Variants in ADCY9 observed in about 807,000 individuals in gnomAD.
ADCY9 encodes adenylate cyclase 9.
In ADCY9, 50 loss-of-function variants were observed where a neutral mutation model predicts 101.5. That is an observed-to-expected ratio of 0.49 (90% CI 0.39 to 0.62). The LOEUF is 0.62. Ranked by LOEUF, ADCY9 falls within the 20% of genes least tolerant of loss-of-function variation. The pLI is 0.00. For synonymous variants in ADCY9, 905 were observed against 769.3 expected (o/e 1.18, Z -2.92); for missense variants, 1,662 against 1,800.4 (o/e 0.92, Z 1.39).
At chr16:3,979,707 G>A (rs2056124650) in intron 7 of ADCY9, among the ~76,000 whole-genome samples, 1 of 152,244 alleles carries the variant, frequency 6.6e-6, no homozygotes, top group African/African-American at 2.4e-5. Context: ...TGTCGCAGCA[G>A]AAGAGGCGGT....
At chr16:4,026,913 A>T (rs1377337107) in intron 2 of ADCY9, among the ~76,000 whole-genome samples, 2 of 152,240 alleles carry the variant, frequency 1.3e-5, no homozygotes, top group African/African-American at 4.8e-5. Context: ...CAGGTAACAA[A>T]AGGATCAGAG....
chr16:4,097,487 T>TACCCACACACAC (rs2057012621), intron 2 of ADCY9, among the ~76,000 whole-genome samples: 1 of 72,508 alleles, frequency 1.4e-5, no homozygotes, highest in African/African-American at 5.2e-5. Context: ...TATATATATA[T>TACCCACACACAC]ACACACACAC....
At chr16:3,958,624 C>G (rs754839466), downstream of ADCY9, among the ~76,000 whole-genome samples, 24 of 148,688 alleles carry the variant, frequency 1.6e-4, no homozygotes, top group Non-Finnish European at 3.1e-4. Context: ...ATCAAGGAAC[C>G]AACACAGAAG....
intron 2 of ADCY9, among the ~76,000 whole-genome samples, chr16:4,069,263 T>C (rs2056818744): frequency 1.9e-5 from 2 of 107,790 alleles, no homozygotes; most frequent in African/African-American, 7.6e-5. Flanking sequence ...CAATATGCTG[T>C]TGTTGTAAGT....
chr16:4,097,696 A>C (rs2057017412), intron 2 of ADCY9, among the ~76,000 whole-genome samples: 1 of 150,132 alleles, frequency 6.7e-6, no homozygotes, highest in Admixed American at 6.7e-5. Flanking sequence ...ACAGGTGCCC[A>C]CCACCATGCC....
At chr16:3,993,623 G>A in intron 3 of ADCY9, 113 bp from the exon 4 acceptor site, 2 of 1,366,562 alleles carry the variant, frequency 1.5e-6, no homozygotes, top group Non-Finnish European at 2.0e-6. Flanking sequence ...GGTGAGCAAG[G>A]GGAAGGCACA....
At chr16:4,027,540 C>T (rs559777254) in intron 2 of ADCY9, among the ~76,000 whole-genome samples, 3 of 152,260 alleles carry the variant, frequency 2.0e-5, no homozygotes, top group East Asian at 1.9e-4. Flanking sequence ...TCCATGACGG[C>T]AGGGAAGAGA....
chr16:4,101,350 G>GC (rs2057042169), intron 2 of ADCY9, among the ~76,000 whole-genome samples: 1 of 147,692 alleles, frequency 6.8e-6, no homozygotes, highest in African/African-American at 2.5e-5. Context: ...TGCAATCACA[G>GC]CTCACTGCAG....
intron 6 of ADCY9, among the ~76,000 whole-genome samples, chr16:3,987,430 C>G (rs1262965425): frequency 1.3e-5 from 2 of 152,214 alleles, no homozygotes; most frequent in Non-Finnish European, 2.9e-5. Flanking sequence ...CCAGACCACT[C>G]GTGTCCGACC....
intron 2 of ADCY9, among the ~76,000 whole-genome samples, chr16:4,091,879 G>T (rs571375981): frequency 1.5e-4 from 23 of 152,346 alleles, no homozygotes; most frequent in African/African-American, 4.6e-4. Flanking sequence ...TTCGGAATTA[G>T]ACCCAGGGGA....
chr16:3,979,296 A>G (rs1242854313), intron 7 of ADCY9, 21 bp from the exon 8 acceptor site: 1 of 1,612,000 alleles, frequency 6.2e-7, no homozygotes, highest in African/African-American at 1.3e-5. Flanking sequence ...CATGGGGGTT[A>G]GCAGGAGCGA....
chr16:4,090,744 T>G (rs1187637655), intron 2 of ADCY9, among the ~76,000 whole-genome samples: 1 of 151,974 alleles, frequency 6.6e-6, no homozygotes, highest in Non-Finnish European at 1.5e-5. Context: ...TACTACTTTT[T>G]TTTCAAGCTT....
intron 2 of ADCY9, among the ~76,000 whole-genome samples, chr16:4,086,498 C>T (rs916622160): frequency 2.0e-5 from 3 of 152,144 alleles, no homozygotes; most frequent in Admixed American, 1.3e-4. Flanking sequence ...CGTGAGGAGA[C>T]GTCAGTGTCC....
intron 10 of ADCY9, among the ~76,000 whole-genome samples, chr16:3,967,864 ATTTTTGTATTT>A (rs975142279): frequency 6.6e-6 from 1 of 151,384 alleles, no homozygotes; most frequent in African/African-American, 2.4e-5. Context: ...TGCCTGGCTA[ATTTTTGTATTT>A]TTAGTAGAGA....
intron 2 of ADCY9, among the ~76,000 whole-genome samples, chr16:4,046,585 T>C (rs79853735): frequency 0.054 from 8,145 of 152,238 alleles, 777 homozygotes; most frequent in African/African-American, 0.19. Context: ...GTCTACTTCA[T>C]GAAAAAGTAC....
intron 2 of ADCY9, among the ~76,000 whole-genome samples, chr16:4,110,867 G>A (rs1297142306): frequency 1.3e-5 from 2 of 152,198 alleles, no homozygotes; most frequent in African/African-American, 4.8e-5. Context: ...GTGCCTTGCA[G>A]AACGCTGCTT....
intron 2 of ADCY9, among the ~76,000 whole-genome samples, chr16:4,066,431 G>C (rs1295881138): frequency 2.0e-5 from 3 of 152,152 alleles, no homozygotes; most frequent in Non-Finnish European, 2.9e-5. Context: ...CTGTTGCCCA[G>C]GCTGGAGTGC....
chr16:3,974,375 C>A (rs1422205165), intron 10 of ADCY9, among the ~76,000 whole-genome samples: 1 of 152,148 alleles, frequency 6.6e-6, no homozygotes, highest in Non-Finnish European at 1.5e-5. Context: ...AAATATTTTA[C>A]AAAATAACTT....
At chr16:3,954,174 C>T (rs567244085) in intron 5 of ADCY9, among the ~76,000 whole-genome samples, 60 of 152,346 alleles carry the variant, frequency 3.9e-4, no homozygotes, top group African/African-American at 1.3e-3. Context: ...CCAGTGGCTT[C>T]TGACATGCAG....
Sources: gnomAD v4.1 joint callset for allele counts (sites outside exome capture counted in the v4.1 genomes callset) on GRCh38, gnomAD v4.1.1 for gene constraint, MANE v1.5 for transcripts, NCBI Gene and HGNC (gene_info 2026-07-23, HGNC 2026-07-21) for gene names.